Variants in RNF144A observed in about 807,000 individuals in gnomAD.
The protein encoded by RNF144A is E3 ubiquitin-protein ligase RNF144A.
In RNF144A, 11 loss-of-function variants were observed where a neutral mutation model predicts 38.7. The observed-to-expected ratio is 0.28, with a 90% CI of 0.18 to 0.47. The LOEUF (loss-of-function observed/expected upper bound fraction) is 0.47, where lower values mean the gene tolerates loss of function less well. Ranked by LOEUF, RNF144A falls within the 20% of genes least tolerant of loss-of-function variation. The probability of loss-of-function intolerance (pLI) is 0.99; values close to 1 mark genes in which losing one functional copy is unlikely to be tolerated. For missense variants in RNF144A, 316 were observed against 377.2 expected, an observed-to-expected ratio of 0.84 and a Z score of 1.34; for synonymous variants, 149 against 143.9, an observed-to-expected ratio of 1.04 and a Z score of -0.25.
At chr2:6,964,921 A>G (rs1667562174) in intron 2 of RNF144A, among the ~76,000 whole-genome samples, 2 of 152,180 alleles carry the variant, frequency 1.3e-5, no homozygotes, top group South Asian at 4.1e-4. Flanking sequence ...ATACATATGT[A>G]ACTAACCTGC....
At chr2:7,034,509 C>G (rs1487136259) in intron 8 of RNF144A, among the ~76,000 whole-genome samples, 1 of 152,170 alleles carries the variant, frequency 6.6e-6, no homozygotes, top group Middle Eastern at 3.2e-3. Context: ...AGGCTTCCGG[C>G]ATCTCCCCTG....
chr2:6,987,518 C>T (rs189761960), intron 2 of RNF144A, among the ~76,000 whole-genome samples: 2 of 152,272 alleles, frequency 1.3e-5, no homozygotes, highest in East Asian at 3.9e-4. Flanking sequence ...GAAAACAGTT[C>T]CATGTAAGTA....
At chr2:6,933,550 A>C (rs1446540341) in intron 1 of RNF144A, among the ~76,000 whole-genome samples, 1 of 152,218 alleles carries the variant, frequency 6.6e-6, no homozygotes, top group African/African-American at 2.4e-5. Flanking sequence ...TCTCATGGGT[A>C]CTGTATCAAA....
At chr2:6,982,229 C>A (rs976394963) in intron 2 of RNF144A, among the ~76,000 whole-genome samples, 1 of 152,194 alleles carries the variant, frequency 6.6e-6, no homozygotes, top group South Asian at 2.1e-4. Flanking sequence ...AAGTAGAATA[C>A]AGAATAGAGA....
intron 2 of RNF144A, among the ~76,000 whole-genome samples, chr2:6,994,603 G>A (rs1009264038): frequency 6.6e-6 from 1 of 152,120 alleles, no homozygotes; most frequent in African/African-American, 2.4e-5. Context: ...ACCCCCTGCA[G>A]CCCCAGAGAG....
At chr2:7,027,526 G>A (rs1671988874) in intron 7 of RNF144A, among the ~76,000 whole-genome samples, 1 of 152,208 alleles carries the variant, frequency 6.6e-6, no homozygotes, top group Admixed American at 6.5e-5. Flanking sequence ...TCCCTGATCT[G>A]TCAAACTCTA....
intron 2 of RNF144A, among the ~76,000 whole-genome samples, chr2:6,949,039 G>A (rs1237788704): frequency 6.6e-6 from 1 of 152,190 alleles, no homozygotes; most frequent in South Asian, 2.1e-4. Context: ...TAGGCCATGC[G>A]AGGTGACCAC....
intron 2 of RNF144A, among the ~76,000 whole-genome samples, chr2:6,981,806 C>G (rs1668648277): frequency 6.6e-6 from 1 of 152,158 alleles, no homozygotes; most frequent in Admixed American, 6.5e-5. Flanking sequence ...CTCCTGGTAC[C>G]AATTTTCTGT....
At chr2:7,037,019 G>A (rs1672723863) in intron 8 of RNF144A, among the ~76,000 whole-genome samples, 1 of 152,168 alleles carries the variant, frequency 6.6e-6, no homozygotes, top group Admixed American at 6.5e-5. Flanking sequence ...TAAATCTTAG[G>A]GTTTGCCAGT....
At chr2:7,029,554 A>G (rs1237443535) in intron 7 of RNF144A, among the ~76,000 whole-genome samples, 1 of 152,236 alleles carries the variant, frequency 6.6e-6, no homozygotes, top group East Asian at 1.9e-4. Flanking sequence ...ATCTTGAATC[A>G]TGAGGAAAAT....
Position 7,040,726 on chromosome 2 carries a change from G to T in RNF144A, c.*966G>T, listed in dbSNP as rs1672995274. 1 of 985,370 alleles carries T rather than the reference G, an allele frequency of 1.0e-6. No homozygotes were observed. Among genetic ancestry groups the T allele is most frequent in the African/African-American group, 1.7e-5 (1 of 57,260 alleles). The allele number at this position is 985,370 out of a possible 1,614,324, so 61.0% of individuals were successfully genotyped here. ...AAGAAAGCAGCCTCATTGATCCGCA[G>T]ATGTAGGGGCCTCTTGGCAGAGGCT... On this transcript the variant is annotated 3_prime_UTR_variant, in exon 9 of 9. Coordinates refer to ENST00000320892, the MANE Select transcript of RNF144A (RefSeq NM_014746.6).
At chr2:7,018,833 T>C (rs754807776) in intron 5 of RNF144A, among the ~76,000 whole-genome samples, 2 of 152,112 alleles carry the variant, frequency 1.3e-5, no homozygotes, top group Non-Finnish European at 2.9e-5. Flanking sequence ...AAGTTCTTCT[T>C]AATCTTCTGC....
chr2:6,948,526 G>A (rs1405727667), intron 2 of RNF144A, among the ~76,000 whole-genome samples: 1 of 152,330 alleles, frequency 6.6e-6, no homozygotes, highest in East Asian at 1.9e-4. Flanking sequence ...ACTGAACAAG[G>A]CTTCCTCAAG....
intron 6 of RNF144A, among the ~76,000 whole-genome samples, chr2:7,053,088 TTTTA>T (rs1409367974): frequency 3.9e-5 from 6 of 152,368 alleles, no homozygotes; most frequent in Admixed American, 1.3e-4. Context: ...TGATAAATTA[TTTTA>T]TTTGATTCCC....
downstream of RNF144A, among the ~76,000 whole-genome samples, chr2:7,072,275 G>A (rs1674513058): frequency 6.6e-6 from 1 of 152,226 alleles, no homozygotes; most frequent in African/African-American, 2.4e-5. Context: ...GCTATAGAAT[G>A]GCAGAAGGGT....
intron 2 of RNF144A, among the ~76,000 whole-genome samples, chr2:6,987,778 A>G (rs141895074): frequency 1.3e-5 from 2 of 152,206 alleles, no homozygotes; most frequent in Admixed American, 6.5e-5. Context: ...TTCCTTGTTG[A>G]TTGTGTATGT....
intron 6 of RNF144A, among the ~76,000 whole-genome samples, chr2:7,066,380 C>T (rs1333422996): frequency 6.6e-6 from 1 of 152,176 alleles, no homozygotes; most frequent in Non-Finnish European, 1.5e-5. Context: ...AGCCACCATG[C>T]CCGGTCAAGT....
chr2:7,005,119 T>C (rs1439617512), intron 3 of RNF144A, among the ~76,000 whole-genome samples: 1 of 152,262 alleles, frequency 6.6e-6, no homozygotes, highest in East Asian at 1.9e-4. Flanking sequence ...CACTGTGATA[T>C]TGGCCTGCCC....
intron 2 of RNF144A, among the ~76,000 whole-genome samples, chr2:6,965,951 C>T (rs182025121): frequency 1.2e-3 from 178 of 152,104 alleles, no homozygotes; most frequent in Non-Finnish European, 2.0e-3. Flanking sequence ...GAAAAAAGAC[C>T]GCTCCTCACC....
Sources: allele counts gnomAD v4.1 joint callset (sites outside exome capture counted in the v4.1 genomes callset), GRCh38; gene constraint gnomAD v4.1.1; transcripts MANE v1.5; gene names NCBI Gene and HGNC (gene_info 2026-07-23, HGNC 2026-07-21).